The following FLG variants were observed in gnomAD, a reference collection of about 807,000 sequenced individuals.
FLG encodes filaggrin.
FLG carries 6 observed loss-of-function variants against 3.8 expected under a neutral mutation model. That is an observed-to-expected ratio of 1.60 (90% confidence interval 0.87 to 3.15). The LOEUF (loss-of-function observed/expected upper bound fraction) is 3.15. FLG is among the 30% of genes most tolerant of loss of function. The pLI is 0.00. For missense variants in FLG, 7,595 were observed against 5,050.9 expected, an observed-to-expected ratio of 1.50 and a Z score of -15.27; for synonymous variants, 2,551 against 1,931.6, an observed-to-expected ratio of 1.32 and a Z score of -8.41.
In FLG at chr1:152,313,448, A is replaced by G; in HGVS notation, c.1438T>C (p.Ser480Pro). 1 of 1,613,686 alleles carries G rather than the reference A, an allele frequency of 6.2e-7. No individual in the cohort carries two copies. The highest frequency in any genetic ancestry group is 1.3e-5 in the African/African-American group (1 of 74,850). Residue 480 changes from serine (S) to proline (P), a missense_variant, in exon 3 of 3, where the codon TCT becomes CCT. Transcript: ENST00000368799. ...CTGGTCCCGGTCCGTCCATGGGCAG[A>G]GTCAGGCTGTTCATGAGTGCTCACC... ...YQVSTHEQPD[S>P]AHGRTGTSTG...
chr1:152,313,471 A>G lies in FLG; in HGVS notation c.1415T>C (p.Val472Ala), dbSNP rs1341826496. 1 of 1,613,098 alleles carries G rather than the reference A, an allele frequency of 6.2e-7. No individual in the cohort carries two copies. The highest frequency in any genetic ancestry group is 1.7e-5 in the Admixed American group (1 of 59,912). ...SGRSGSSLYQ[V>A]STHEQPDSAH... ...AGAGTCAGGCTGTTCATGAGTGCTC[A>G]CCTGGTAGAGGGAAGACCCTGAACG... Residue 472 changes from valine to alanine, a missense_variant, in exon 3 of 3, where the codon GTG becomes GCG. Coordinates refer to ENST00000368799, the MANE Select transcript of FLG (RefSeq NM_002016.2).
In FLG at chr1:152,312,977, A is replaced by C. The variant is rs1385922211; in HGVS notation, c.1909T>G (p.Trp637Gly). 1 of 1,613,380 alleles carries C rather than the reference A, an allele frequency of 6.2e-7. No individual in the cohort carries two copies. Among genetic ancestry groups the C allele is most frequent in the Non-Finnish European group, 8.5e-7 (1 of 1,179,888 alleles). Residue 637 changes from tryptophan (W) to glycine (G), a missense_variant, in exon 3 of 3, where the codon TGG (tryptophan) becomes GGG (glycine). Transcript: ENST00000368799. ...TGGTTTCTGGAAGCAGACCCAGACC[A>C]CCTCTCAGAGTCTTCTGAGTGTCCC... ...SQGHSEDSER[W>G]SGSASRNHHG...
At chr1:152,321,696 C>A (rs1652982200) in intron 1 of FLG, among the ~76,000 whole-genome samples, 2 of 151,098 alleles carry the variant, frequency 1.3e-5, no homozygotes, top group Admixed American at 6.6e-5. Context: ...GGGGGAGAAA[C>A]TGCAGGTCAG....
rs1570895085 is a variant in FLG at position 152,304,598 on chromosome 1, C to G, written c.10288G>C (p.Gly3430Arg). 1 of 1,610,336 alleles carries G rather than the reference C, an allele frequency of 6.2e-7. No individual in the cohort carries two copies. The highest frequency in any genetic ancestry group is 8.5e-7 in the Non-Finnish European group (1 of 1,178,382). Residue 3430 changes from glycine (G) to arginine (R), a missense_variant, in exon 3 of 3, where the codon GGT (glycine) becomes CGT (arginine). Gly to Arg is a moderately radical substitution (Grantham distance 125, BLOSUM62 -2). Coordinates refer to ENST00000368799, the MANE Select transcript of FLG (RefSeq NM_002016.2). ...DSSRHSASQE[G>R]QDTIRGHPGS... is the part of the protein sequence containing the mutation. Reference sequence around the variant, plus strand: ...GGGTGTCCACGAATGGTGTCCTGACCCTCTTGGGACGCTGAGTGCCTGGAG... The same window carrying G: ...GGGTGTCCACGAATGGTGTCCTGACGCTCTTGGGACGCTGAGTGCCTGGAG...
At position 152,303,694 on chromosome 1, in the gene FLG, G is replaced by A. The variant is rs1186086613; in HGVS notation, c.11192C>T (p.Thr3731Ile). The change falls in exon 3 of 3, where the codon ACT becomes ATT. Residue 3731 changes from threonine (T) to isoleucine (I), a missense_variant. Thr to Ile is a moderately conservative substitution (Grantham distance 89, BLOSUM62 -1). Transcript: ENST00000368799. ...ESAHGRAGPS[T>I]GGRQGSRHEQ... is the part of the protein sequence containing the mutation. ...GTGGCGGGATCCTTGTCTTCCTCCA[G>A]TACTGGGCCCAGCCCGTCCATGGGC... 1.2e-6 allele frequency: 2 copies of A among 1,614,050 alleles called. No homozygotes were observed. Among genetic ancestry groups the A allele is most frequent in the Non-Finnish European group, 1.7e-6 (2 of 1,179,972 alleles).
At chr1:152,320,259 G>T (rs1570920397) in intron 1 of FLG, among the ~76,000 whole-genome samples, 1 of 151,074 alleles carries the variant, frequency 6.6e-6, no homozygotes, top group Non-Finnish European at 1.5e-5. Flanking sequence ...ATATTGTAGA[G>T]ATGTAAACCA....
chr1:152,308,463 G>T lies in FLG; in HGVS notation c.6423C>A (p.His2141Gln), dbSNP rs756372527. ...GTCTTCCTCCTCTGCTTGGCCCCGG[G>T]TGTCCACGAATGGTGTCCTGACCCT... ...SQEGQDTIRG[H>Q]PGPSRGGRQG... The change falls in exon 3 of 3, where the codon CAC (histidine) becomes CAA (glutamine). Residue 2141 changes from histidine (H) to glutamine (Q), a missense_variant. Physicochemically the swap from His to Gln is conservative, Grantham distance 24. Coordinates refer to ENST00000368799, the MANE Select transcript of FLG (RefSeq NM_002016.2). 1 of 1,613,780 alleles carries T rather than the reference G, an allele frequency of 6.2e-7. No homozygotes were observed. The highest frequency in any genetic ancestry group is 8.5e-7 in the Non-Finnish European group (1 of 1,179,900).
intron 2 of FLG, 123 bp from the exon 3 acceptor site, chr1:152,314,870 T>C (rs1369245146): frequency 1.5e-6 from 2 of 1,308,980 alleles, no homozygotes; most frequent in East Asian, 4.7e-5. Flanking sequence ...AAAATCTTTT[T>C]TTTTTTTAAG....
rs1429174144 is a variant in FLG, at chr1:152,307,121, T to A, written c.7765A>T (p.Arg2589Ter). Residue 2589 changes from arginine to a stop codon, truncating the protein, a stop_gained, in exon 3 of 3, where the codon AGA (arginine) becomes TGA (stop). Transcript: ENST00000368799. LOFTEE classifies it low-confidence loss of function (END_TRUNC). Reference sequence around the variant, plus strand: ...TCCTGAGCAGATCCATGATGGTTTCTGGAAGCAGACCCAGACCACCTCTCA... The same window carrying A: ...TCCTGAGCAGATCCATGATGGTTTCAGGAAGCAGACCCAGACCACCTCTCA... ...DSERWSGSASRNHHGSAQEQL... is the reference protein window; with the variant it reads ...DSERWSGSAS 1.9e-6 allele frequency: 3 copies of A among 1,612,200 alleles called. No homozygotes were observed. Among genetic ancestry groups the A allele is most frequent in the Non-Finnish European group, 2.5e-6 (3 of 1,179,900 alleles).
At position 152,303,142 on chromosome 1, in the gene FLG, G is replaced by A; in HGVS notation, c.11744C>T (p.Ser3915Phe). 3.1e-6 allele frequency: 5 copies of A among 1,614,182 alleles called. No homozygotes were observed. Among genetic ancestry groups the A allele is most frequent in the Non-Finnish European group, 3.4e-6 (4 of 1,180,024 alleles). ...ACTAGAGTCTGACTGTACAGGTGAA[G>A]ACTGTACATGACTGGCTGTATCGCG... is the stretch of plus-strand genomic sequence containing the variant. ...SHRDTASHVQSSPVQSDSSTA... is the reference protein window; with the variant it reads ...SHRDTASHVQFSPVQSDSSTA... The change falls in exon 3 of 3, where the codon TCT becomes TTT. Residue 3915 changes from serine to phenylalanine, a missense_variant. Transcript: ENST00000368799.
At position 152,314,217 on chromosome 1, in the gene FLG, C is replaced by A. The variant is rs1252675437; in HGVS notation, c.669G>T (p.Met223Ile). The A allele has an allele frequency of 6.2e-7, 1 of 1,613,644 alleles. No individual in the cohort carries two copies. The highest frequency in any genetic ancestry group is 1.3e-5 in the African/African-American group (1 of 74,832). ...GGCCTGATTGTATCCATTTTTGAGTCATTCTTCCTGTATTTTCATAATCAT... is the reference window on the plus strand; with the variant it reads ...GGCCTGATTGTATCCATTTTTGAGTAATTCTTCCTGTATTTTCATAATCAT... ...GVYDYENTGR[M>I]TQKWIQSGHI... Residue 223 changes from methionine to isoleucine, a missense_variant, in exon 3 of 3, where the codon ATG becomes ATT. Coordinates refer to ENST00000368799, the MANE Select transcript of FLG (RefSeq NM_002016.2).
chr1:152,310,662 CTG>C lies in FLG; in HGVS notation c.4222_4223del (p.Gln1408ValfsTer41), dbSNP rs1379973780. ...SEGHSEDSDT[Q>X]SVSAHGQAGP... ...CAGCTTGTCCGTGGGCTGACACTGA[CTG>C]TGTGTCTGAGTCTTCTGAATGTCCC... On this transcript the variant is annotated frameshift_variant, in exon 3 of 3. Coordinates refer to ENST00000368799, the MANE Select transcript of FLG (RefSeq NM_002016.2). LOFTEE classifies it low-confidence loss of function (END_TRUNC). The C allele has an allele frequency of 6.2e-7, 1 of 1,613,934 alleles. No homozygotes were observed. The highest frequency in any genetic ancestry group is 1.3e-5 in the African/African-American group (1 of 74,874).
chr1:152,305,337 A>G lies in FLG; in HGVS notation c.9549T>C (p.His3183=), dbSNP rs754294911. 6.2e-7 allele frequency: 1 copy of G among 1,607,592 alleles called. No homozygotes were observed. Among genetic ancestry groups the G allele is most frequent in the East Asian group, 2.3e-5 (1 of 44,152 alleles). Residue 3183 remains histidine, a synonymous_variant, in exon 3 of 3, where the codon CAT becomes CAC. Coordinates refer to ENST00000368799, the MANE Select transcript of FLG (RefSeq NM_002016.2). The part of the protein sequence containing the change: ...DSSRHSVSRH[H]EASTHADISR... ...AGATGTCGGCATGAGTGGAAGCTTC[A>G]TGGTGACGTGACACTGAGTGCCTGG...
chr1:152,307,697 G>A lies in FLG; in HGVS notation c.7189C>T (p.Gln2397Ter), dbSNP rs535289422. The A allele has an allele frequency of 8.7e-6, 14 of 1,613,464 alleles. No homozygotes were observed. The East Asian group carries it at 3.1e-4, about 36-fold the overall frequency. ...GQAGPHQQSH[Q>*]ESTRGRSAGR... ...GCTGACCGGCCACGTGTGGACTCTT[G>A]GTGGCTCTGCTGATGGGGCCCAGCC... The change falls in exon 3 of 3, where the codon CAA (glutamine) becomes TAA (stop). Residue 2397 changes from glutamine to a stop codon, truncating the protein, a stop_gained. Transcript: ENST00000368799. LOFTEE classifies it low-confidence loss of function (END_TRUNC).
chr1:152,317,712 A>AC (rs1241805525), intron 1 of FLG, among the ~76,000 whole-genome samples: 2 of 151,972 alleles, frequency 1.3e-5, no homozygotes, highest in East Asian at 3.9e-4. Context: ...ACAAGTTTAT[A>AC]CCCCCAGTCA....
In FLG at chr1:152,308,382, G is replaced by A. The variant is rs753392948; in HGVS notation, c.6504C>T (p.His2168=). The change falls in exon 3 of 3, where the codon CAC becomes CAT. Residue 2168 remains histidine, a synonymous_variant. Coordinates refer to ENST00000368799, the MANE Select transcript of FLG (RefSeq NM_002016.2). ...VDRSGHSGSH[H]SHTTSQGRSD... ...ACCTTCCCTGGGATGTGGTGTGGCT[G>A]TGATGAGACCCTGAGTGTCCAGACC... is the stretch of plus-strand genomic sequence containing the variant. 1 of 1,613,648 alleles carries A rather than the reference G, an allele frequency of 6.2e-7. No homozygotes were observed. Among genetic ancestry groups the A allele is most frequent in the African/African-American group, 1.3e-5 (1 of 74,958 alleles).
Position 152,312,393 on chromosome 1 carries a change from G to T in FLG, c.2493C>A (p.His831Gln). The T allele has an allele frequency of 6.2e-7, 1 of 1,613,332 alleles. No homozygotes were observed. Among genetic ancestry groups the T allele is most frequent in the Non-Finnish European group, 8.5e-7 (1 of 1,179,824 alleles). ...HHEQARDNSR[H>Q]SASQDGQDTI... Reference sequence around the variant, plus strand: ...TGTCCTGACCATCTTGGGATGCTGAGTGCCTGGAGTTGTCTCGTGCCTGCT... The same window carrying T: ...TGTCCTGACCATCTTGGGATGCTGATTGCCTGGAGTTGTCTCGTGCCTGCT... Residue 831 changes from histidine to glutamine, a missense_variant, in exon 3 of 3, where the codon CAC (histidine) becomes CAA (glutamine). Transcript: ENST00000368799.
chr1:152,312,190 T>G lies in FLG; in HGVS notation c.2696A>C (p.Glu899Ala), dbSNP rs759026768. The G allele has an allele frequency of 2.5e-6, 4 of 1,613,872 alleles. No individual in the cohort carries two copies. Among genetic ancestry groups the G allele is most frequent in the African/African-American group, 1.3e-5 (1 of 74,860 alleles). ...CCTGGAGCCGTCTCTTGATTGTTCC[T>G]CATTACGTGTTGTTCTGCTTGCACT... is the stretch of plus-strand genomic sequence containing the variant. ...SRSASRTTRN[E>A]EQSRDGSRHS... The change falls in exon 3 of 3, where the codon GAG becomes GCG. Residue 899 changes from glutamate (E) to alanine (A), a missense_variant. Glu to Ala is a moderately radical substitution (Grantham distance 107). Coordinates refer to ENST00000368799, the MANE Select transcript of FLG (RefSeq NM_002016.2).
chr1:152,307,305 G>T lies in FLG; in HGVS notation c.7581C>A (p.Ser2527=). ...TRNDEQSGDG[S]RHSGSRHHEA... is the part of the protein sequence containing the mutation. ...CATGGTGACGCGACCCTGAGTGCCT[G>T]GAGCCGTCTCCTGATTGTTCATCGT... is the stretch of plus-strand genomic sequence containing the variant. The change falls in exon 3 of 3, where the codon TCC becomes TCA. Residue 2527 remains serine (S), a synonymous_variant. Coordinates refer to ENST00000368799, the MANE Select transcript of FLG (RefSeq NM_002016.2). 1 of 1,613,438 alleles carries T rather than the reference G, an allele frequency of 6.2e-7. No individual in the cohort carries two copies. Among genetic ancestry groups the T allele is most frequent in the Non-Finnish European group, 8.5e-7 (1 of 1,179,928 alleles).
Sources: allele counts gnomAD v4.1 joint callset (sites outside exome capture counted in the v4.1 genomes callset), GRCh38; gene constraint gnomAD v4.1.1; transcripts MANE v1.5; gene names NCBI Gene and HGNC (gene_info 2026-07-23, HGNC 2026-07-21).